Variants in MPPED1 observed in about 807,000 individuals in gnomAD.
MPPED1 encodes metallophosphoesterase domain containing 1.
MPPED1 carries 16 observed loss-of-function variants against 36.2 expected under a neutral mutation model. That is an observed-to-expected ratio of 0.44 (90% confidence interval 0.30 to 0.67). The LOEUF (loss-of-function observed/expected upper bound fraction) is 0.67. Among genes scored for constraint, MPPED1 ranks in the 30% least tolerant of loss-of-function variants. The pLI, the probability that MPPED1 is intolerant of heterozygous loss-of-function variation, is 0.10. For missense variants in MPPED1, 307 were observed against 453.4 expected, an observed-to-expected ratio of 0.68 and a Z score of 2.93; for synonymous variants, 199 against 191.3, an observed-to-expected ratio of 1.04 and a Z score of -0.33.
chr22:43,461,231 T>A (rs1438667890), intron 3 of MPPED1, among the ~76,000 whole-genome samples: 1 of 152,218 alleles, frequency 6.6e-6, no homozygotes, highest in African/African-American at 2.4e-5. Context: ...TGAGGCTTTA[T>A]ATGCCAAATA....
At chr22:43,470,683 CT>C (rs1398752482) in intron 3 of MPPED1, among the ~76,000 whole-genome samples, 1 of 152,232 alleles carries the variant, frequency 6.6e-6, no homozygotes, top group African/African-American at 2.4e-5. Context: ...GTCCATTGTC[CT>C]CTGTAATTGT....
chr22:43,460,884 G>T (rs1930934741), intron 3 of MPPED1, among the ~76,000 whole-genome samples: 1 of 152,166 alleles, frequency 6.6e-6, no homozygotes. Flanking sequence ...TGATCCTCTA[G>T]ATGTCCTGTG....
intron 4 of MPPED1, among the ~76,000 whole-genome samples, chr22:43,482,503 G>A (rs1328942700): frequency 6.6e-6 from 1 of 152,206 alleles, no homozygotes; most frequent in Admixed American, 6.5e-5. Flanking sequence ...CAAACAGCCA[G>A]GGCTGCTCCA....
intron 3 of MPPED1, among the ~76,000 whole-genome samples, chr22:43,463,014 CTAGG>C (rs1361626176): frequency 1.3e-5 from 2 of 152,136 alleles, no homozygotes; most frequent in Non-Finnish European, 2.9e-5. Context: ...AATAGTTTAT[CTAGG>C]TATAGAATTC....
chr22:43,427,846 G>A (rs573790939), intron 2 of MPPED1, among the ~76,000 whole-genome samples: 1 of 152,174 alleles, frequency 6.6e-6, no homozygotes, highest in Admixed American at 6.5e-5. Flanking sequence ...TGCATAGCTC[G>A]GAAAGCTGGT....
intron 3 of MPPED1, among the ~76,000 whole-genome samples, chr22:43,461,436 C>T (rs1204567987): frequency 1.3e-5 from 2 of 152,178 alleles, no homozygotes; most frequent in Non-Finnish European, 2.9e-5. Context: ...CTATGCTCCT[C>T]GGATTGTTGG....
intron 4 of MPPED1, among the ~76,000 whole-genome samples, chr22:43,481,723 CCTGCTGG>C (rs896705855): frequency 2.0e-5 from 3 of 152,188 alleles, no homozygotes; most frequent in African/African-American, 7.2e-5. Flanking sequence ...AACTGTGCCC[CCTGCTGG>C]CTTGCCATGT....
chr22:43,419,268 T>A (rs914493225), intron 1 of MPPED1: 1 of 152,192 alleles, frequency 6.6e-6, no homozygotes, highest in Non-Finnish European at 1.5e-5. Context: ...AAGCCGACTG[T>A]GTGTTGGGAG....
At chr22:43,462,736 C>T (rs1389457625) in intron 3 of MPPED1, among the ~76,000 whole-genome samples, 2 of 152,120 alleles carry the variant, frequency 1.3e-5, no homozygotes, top group African/African-American at 4.8e-5. Context: ...GGAGGCTTAC[C>T]TCCTGGAGCC....
chr22:43,491,716 TGA>T (rs1932100695), intron 4 of MPPED1, among the ~76,000 whole-genome samples: 2 of 142,476 alleles, frequency 1.4e-5, no homozygotes, highest in Admixed American at 7.0e-5. Flanking sequence ...GAGGTGGTGG[TGA>T]TAAAGATGAT....
At chr22:43,447,848 A>G (rs1262563491) in intron 3 of MPPED1, among the ~76,000 whole-genome samples, 1 of 105,128 alleles carries the variant, frequency 9.5e-6, no homozygotes, top group Non-Finnish European at 2.0e-5. Context: ...AATATTTTAT[A>G]TATGTAAATA....
At chr22:43,471,075 A>G (rs1417624868) in intron 3 of MPPED1, among the ~76,000 whole-genome samples, 4 of 152,194 alleles carry the variant, frequency 2.6e-5, no homozygotes, top group African/African-American at 9.6e-5. Flanking sequence ...TGAGGTGAGA[A>G]GAAGAGGGGA....
chr22:43,475,481 G>GATTA, intron 4 of MPPED1, among the ~76,000 whole-genome samples: 1 of 132,348 alleles, frequency 7.6e-6, no homozygotes, highest in South Asian at 2.7e-4. Flanking sequence ...TGATGATGGT[G>GATTA]ATGGTGATGA....
chr22:43,497,929 G>GTATATATA (rs746068497), intron 4 of MPPED1, among the ~76,000 whole-genome samples: 4,935 of 48,540 alleles, frequency 0.1, 345 homozygotes, highest in African/African-American at 0.19. Flanking sequence ...ATATATATAT[G>GTATATATA]TATATGTATA....
Position 43,505,865 on chromosome 22 carries a change from AG to A in MPPED1, c.*251del. ...GTACATCCTGCGTGTACCTCGTTAA[AG>A]GACCTACTAAGCTCATGGCCCTGTC... On this transcript the variant is annotated 3_prime_UTR_variant, in exon 7 of 7. Coordinates refer to ENST00000443721, the MANE Select transcript of MPPED1 (RefSeq NM_001044370.2). The A allele has an allele frequency of 2.1e-6, 1 of 471,938 alleles. No homozygotes were observed. The highest frequency in any genetic ancestry group is 3.8e-6 in the Non-Finnish European group (1 of 264,284). The allele number at this position is 471,938 out of a possible 1,614,324, so 29.2% of individuals were successfully genotyped here.
chr22:43,502,903 C>G lies in MPPED1; in HGVS notation c.862+146C>G. 1.4e-6 allele frequency: 1 copy of G among 693,088 alleles called. No homozygotes were observed. Among genetic ancestry groups the G allele is most frequent in the Non-Finnish European group, 2.6e-6 (1 of 389,032 alleles). The allele number at this position is 693,088 out of a possible 1,614,324, so 42.9% of individuals were successfully genotyped here. A position where few individuals can be genotyped will look rare whatever the true frequency, so the allele number is the denominator to read the frequency against. On this transcript the variant is annotated intron_variant, in intron 6 of 6. Coordinates refer to ENST00000443721, the MANE Select transcript of MPPED1 (RefSeq NM_001044370.2). The surrounding 1 kb of genome is among the most constrained non-coding windows in gnomAD (Gnocchi z 5.5). ...GTAACTGCTAACTGCCATACACACCCTGGCTGTCAATGAGCTATTGCTAAA... is the reference window on the plus strand; with the variant it reads ...GTAACTGCTAACTGCCATACACACCGTGGCTGTCAATGAGCTATTGCTAAA...
Position 43,424,998 on chromosome 22 carries a change from A to G in MPPED1, c.13A>G (p.Arg5Gly). 1 of 1,600,094 alleles carries G rather than the reference A, an allele frequency of 6.2e-7. No individual in the cohort carries two copies. The highest frequency in any genetic ancestry group is 8.5e-7 in the Non-Finnish European group (1 of 1,174,362). Residue 5 changes from arginine to glycine, a missense_variant, in exon 2 of 7, where the codon AGG becomes GGG. Transcript: ENST00000443721. MWRS[R>G]WDASVLKAEA... ...CCGGCGGAGGTCCATGTGGCGCTCT[A>G]GGTGGGATGCCAGCGTCCTGAAGGC...
At chr22:43,433,380 C>T (rs1490526517) in intron 2 of MPPED1, among the ~76,000 whole-genome samples, 1 of 152,260 alleles carries the variant, frequency 6.6e-6, no homozygotes, top group African/African-American at 2.4e-5. Flanking sequence ...CCCTGTGGCC[C>T]TGCGCTGAGC....
In MPPED1 at chr22:43,451,241, G is replaced by A. The variant is rs531871663; in HGVS notation, c.406+16026G>A. Among the ~76,000 whole-genome samples, 7 of 152,176 alleles carry A rather than the reference G, an allele frequency of 4.6e-5. No individual in the cohort carries two copies. The East Asian group carries it at 5.8e-4, about 13-fold the overall frequency. On this transcript the variant is annotated intron_variant, in intron 3 of 6. Transcript: ENST00000443721. ...AGGATGGTCTCAATCTCTTGACCTC[G>A]TGATCCACCCGCCTCGGCCTCTCAA...
Sources: gnomAD v4.1 joint callset for allele counts (sites outside exome capture counted in the v4.1 genomes callset) on GRCh38, gnomAD v4.1.1 for gene constraint, Gnocchi (gnomAD v3.1) non-coding constraint, MANE v1.5 for transcripts, NCBI Gene and HGNC (gene_info 2026-07-23, HGNC 2026-07-21) for gene names.